POLE4: variants seen among roughly 807,000 people sequenced by gnomAD.
POLE4 encodes DNA polymerase epsilon 4, accessory subunit, also known as DNA polymerase epsilon subunit 4.
A neutral mutation model predicts 15.6 loss-of-function variants in POLE4; 15 were observed. The observed-to-expected ratio is 0.96, with a 90% CI of 0.64 to 1.48. POLE4 has a LOEUF of 1.48. Among genes scored for constraint, POLE4 ranks in the 40% most tolerant of loss-of-function variants. The probability of loss-of-function intolerance (pLI) is 0.00; values close to 1 mark genes in which losing one functional copy is unlikely to be tolerated. For synonymous variants in POLE4, 83 were observed against 63.2 expected (o/e 1.31, Z -1.49); for missense variants, 205 against 151.9 (o/e 1.35, Z -1.84).
intron 3 of POLE4, among the ~76,000 whole-genome samples, chr2:74,962,041 G>T (rs921678565): frequency 6.6e-6 from 1 of 152,132 alleles, no homozygotes; most frequent in Admixed American, 6.5e-5. Flanking sequence ...TGGTGGTTAC[G>T]TTTATTTCTA....
chr2:74,969,125 G>T (rs1238867161), intron 3 of POLE4, among the ~76,000 whole-genome samples: 1 of 151,862 alleles, frequency 6.6e-6, no homozygotes, highest in African/African-American at 2.4e-5. Context: ...TTTCTTATAT[G>T]GTCTTCATCA....
chr2:74,966,749 C>T (rs1671301870), intron 3 of POLE4, among the ~76,000 whole-genome samples: 1 of 152,128 alleles, frequency 6.6e-6, no homozygotes, highest in South Asian at 2.1e-4. Flanking sequence ...TTTTCTTCTT[C>T]CTGAAATAAA....
intron 3 of POLE4, among the ~76,000 whole-genome samples, chr2:74,963,482 C>T (rs939491684): frequency 7.2e-5 from 11 of 151,840 alleles, no homozygotes; most frequent in Admixed American, 2.0e-4. Flanking sequence ...TATAAAAATG[C>T]TTGCTGTATT....
chr2:74,965,806 G>A (rs1426083103), intron 3 of POLE4, among the ~76,000 whole-genome samples: 1 of 152,122 alleles, frequency 6.6e-6, no homozygotes, highest in Admixed American at 6.5e-5. Context: ...TATTATTAAA[G>A]CTTATCAGCT....
chr2:74,965,219 G>T (rs769363720), intron 3 of POLE4, among the ~76,000 whole-genome samples: 1 of 150,924 alleles, frequency 6.6e-6, no homozygotes, highest in Non-Finnish European at 1.5e-5. Flanking sequence ...TCAGCCTCTC[G>T]AGTAGCTGGG....
chr2:74,965,138 G>T (rs1307595667), intron 3 of POLE4, among the ~76,000 whole-genome samples: 1 of 150,296 alleles, frequency 6.7e-6, no homozygotes, highest in African/African-American at 2.4e-5. Flanking sequence ...CTGTTGCCCA[G>T]GGTGGAGTAC....
intron 3 of POLE4, among the ~76,000 whole-genome samples, chr2:74,964,688 T>G (rs1189216805): frequency 6.6e-6 from 1 of 152,188 alleles, no homozygotes; most frequent in Non-Finnish European, 1.5e-5. Context: ...ATTCTTAGTT[T>G]TTTTACTTAA....
chr2:74,959,181 C>T (rs1671176292), intron 1 of POLE4, 160 bp from the exon 2 acceptor site: 5 of 621,250 alleles, frequency 8.0e-6, no homozygotes, highest in African/African-American at 1.9e-5. Flanking sequence ...AAGAGGGTAG[C>T]GGAATGGATC....
intron 1 of POLE4, 110 bp downstream of exon 1, chr2:74,959,002 T>G: frequency 1.0e-6 from 1 of 1,002,254 alleles, no homozygotes; most frequent in Non-Finnish European, 1.5e-6. Flanking sequence ...GGTTTTGAGA[T>G]GTGGGCGTGG....
chr2:74,959,388 G>T lies in POLE4; in HGVS notation c.261G>T (p.Gln87His), dbSNP rs368293679. ...CAAAAGATGCCTACTGTTGCGCTCA[G>T]CAGGGAAAAAGGAAAACCCTTCAGA... is the stretch of plus-strand genomic sequence containing the variant. ...TIAKDAYCCA[Q>H]QGKRKTLQRR... Residue 87 changes from glutamine (Q) to histidine (H), a missense_variant, in exon 2 of 4, where the codon CAG becomes CAT. Coordinates refer to ENST00000483063, the MANE Select transcript of POLE4 (RefSeq NM_019896.4). 4 of 1,613,714 alleles carry T rather than the reference G, an allele frequency of 2.5e-6. No homozygotes were observed. In the African/African-American group the frequency reaches 5.3e-5, roughly 22 times the overall value.
In POLE4 at chr2:74,969,506, G is replaced by A. The variant is rs753556361; in HGVS notation, c.*84G>A. 2.9e-5 allele frequency: 36 copies of A among 1,231,310 alleles called. No individual in the cohort carries two copies. Among genetic ancestry groups the A allele is most frequent in the Non-Finnish European group, 4.3e-5 (36 of 830,462 alleles). 76.3% of individuals were successfully genotyped at this position (1,231,310 alleles called of 1,614,324 possible). ...ACAGGCCTCAGCTTTGAAGAACGGA[G>A]TCTTTGCACTTACACACACTCTTCC... On this transcript the variant is annotated 3_prime_UTR_variant, in exon 4 of 4. Coordinates refer to ENST00000483063, the MANE Select transcript of POLE4 (RefSeq NM_019896.4).
rs537927435 is a variant in POLE4 at position 74,959,074 on chromosome 2, T to C, written c.213+182T>C. On this transcript the variant is annotated intron_variant, in intron 1 of 3. Transcript: ENST00000483063. ...CGAGTTTTGTTAACACTCCTCCCTC[T>C]TGTTGAGGACCTGGATAGTGAGTGA... 8.8e-4 allele frequency: 550 copies of C among 625,378 alleles called. 3 individuals are homozygous for C. The South Asian group carries it at 9.2e-3, about 10-fold the overall frequency. 38.7% of individuals were successfully genotyped at this position (625,378 alleles called of 1,614,324 possible). A position where few individuals can be genotyped will look rare whatever the true frequency, so the allele number is the denominator to read the frequency against.
At chr2:74,959,603 G>A in intron 2 of POLE4, 178 bp downstream of exon 2, 1 of 565,240 alleles carries the variant, frequency 1.8e-6, no homozygotes, top group Non-Finnish European at 3.2e-6. Context: ...TGCTTGGGGT[G>A]GCGGGGCAGT....
At chr2:74,965,800 A>T (rs1363154812) in intron 3 of POLE4, among the ~76,000 whole-genome samples, 1 of 152,188 alleles carries the variant, frequency 6.6e-6, no homozygotes, top group Non-Finnish European at 1.5e-5. Flanking sequence ...GTTTAATATT[A>T]TTAAAGCTTA....
chr2:74,959,772 C>T (rs1671189500), intron 2 of POLE4: 1 of 449,090 alleles, frequency 2.2e-6, no homozygotes, highest in Non-Finnish European at 4.0e-6. Context: ...ATTTCGTATA[C>T]CGTATTCTCA....
intron 2 of POLE4, chr2:74,959,781 C>T (rs1163574719): frequency 8.8e-6 from 4 of 456,892 alleles, no homozygotes; most frequent in Non-Finnish European, 1.2e-5. Context: ...ACCGTATTCT[C>T]ATGCGCCCTG....
chr2:74,969,322 C>A (rs1671336928), intron 3 of POLE4, 87 bp from the exon 4 acceptor site: 2 of 1,189,124 alleles, frequency 1.7e-6, no homozygotes, highest in African/African-American at 1.5e-5. Context: ...AATACCGGAG[C>A]CTCTTCTGCA....
At chr2:74,964,566 G>T (rs184717947) in intron 3 of POLE4, among the ~76,000 whole-genome samples, 82 of 151,958 alleles carry the variant, frequency 5.4e-4, no homozygotes, top group African/African-American at 1.8e-3. Context: ...TATTTTTGAT[G>T]ATATTGTTAA....
At chr2:74,959,049 C>T (rs1671172759) in intron 1 of POLE4, 157 bp downstream of exon 1, 2 of 677,202 alleles carry the variant, frequency 3.0e-6, no homozygotes, top group Admixed American at 2.9e-5. Context: ...GGGACCTGTG[C>T]GAGTTTTGTT....
Sources: allele counts gnomAD v4.1 joint callset (sites outside exome capture counted in the v4.1 genomes callset), GRCh38; gene constraint gnomAD v4.1.1; transcripts MANE v1.5; gene names NCBI Gene and HGNC (gene_info 2026-07-23, HGNC 2026-07-21).